The following MBD5 variants were observed in gnomAD, a reference collection of about 807,000 sequenced individuals.
MBD5 encodes methyl-CpG binding domain protein 5.
In MBD5, 13 loss-of-function variants were observed where a neutral mutation model predicts 117.3. That is an observed-to-expected ratio of 0.11 (90% CI 0.07 to 0.18). The LOEUF (loss-of-function observed/expected upper bound fraction) is 0.18. Among genes scored for constraint, MBD5 ranks in the 10% least tolerant of loss-of-function variants. The pLI, the probability that MBD5 is intolerant of heterozygous loss-of-function variation, is 1.00. For synonymous variants in MBD5, 727 were observed against 766.4 expected, an observed-to-expected ratio of 0.95 and a Z score of 0.85; for missense variants, 1,879 against 2,093.8, an observed-to-expected ratio of 0.90 and a Z score of 2.00.
At chr2:148,205,100 C>T (rs1558971712) in intron 2 of MBD5, among the ~76,000 whole-genome samples, 1 of 151,094 alleles carries the variant, frequency 6.6e-6, no homozygotes, top group Non-Finnish European at 1.5e-5. Flanking sequence ...TTTTTTGAGA[C>T]AAGTCTCTCT....
intron 3 of MBD5, among the ~76,000 whole-genome samples, chr2:148,316,749 A>C (rs982760530): frequency 6.6e-6 from 1 of 152,210 alleles, no homozygotes; most frequent in African/African-American, 2.4e-5. Context: ...AATAATAAAA[A>C]TATTTTTAAA....
chr2:148,401,426 G>C (rs1355076834), intron 4 of MBD5, among the ~76,000 whole-genome samples: 3 of 151,652 alleles, frequency 2.0e-5, no homozygotes, highest in Non-Finnish European at 4.4e-5. Flanking sequence ...GTTCTTCAAA[G>C]ATTACCATCA....
At chr2:148,330,033 A>ACCCCCCCCCCCCCCCCC (rs56712549) in intron 3 of MBD5, among the ~76,000 whole-genome samples, 6 of 17,690 alleles carry the variant, frequency 3.4e-4, no homozygotes, top group East Asian at 1.3e-3. Flanking sequence ...GTAGGTAAGA[A>ACCCCCCCCCCCCCCCCC]CCCCCCCCCG....
chr2:148,418,274 T>G (rs1705487311), intron 4 of MBD5, among the ~76,000 whole-genome samples: 2 of 152,264 alleles, frequency 1.3e-5, no homozygotes, highest in South Asian at 4.1e-4. Context: ...TTTCTTTTGC[T>G]GTGCAGAAGT....
At position 148,051,753 on chromosome 2, in the gene MBD5, T is replaced by G. The variant is rs373631932; in HGVS notation, c.-925+30069T>G. Reference sequence around the variant, plus strand: ...ATTATGATATAATAATTCTTCTAGATTAAATTTTATAGTATTTTGTTGAGT... The same window carrying G: ...ATTATGATATAATAATTCTTCTAGAGTAAATTTTATAGTATTTTGTTGAGT... On this transcript the variant is annotated intron_variant, in intron 1 of 13. Transcript: ENST00000642680. 3.9e-5 allele frequency among the ~76,000 whole-genome samples: 6 copies of G among 152,230 alleles called. No individual in the cohort carries two copies. In the South Asian group the frequency reaches 1.2e-3, roughly 32 times the overall value.
intron 3 of MBD5, among the ~76,000 whole-genome samples, chr2:148,241,600 C>G (rs541947622): frequency 6.6e-6 from 1 of 151,992 alleles, no homozygotes; most frequent in East Asian, 1.9e-4. Flanking sequence ...CCTTTCTGGG[C>G]CCCCCCTCCC....
At chr2:148,129,122 C>T (rs1416727607) in intron 1 of MBD5, among the ~76,000 whole-genome samples, 1 of 152,154 alleles carries the variant, frequency 6.6e-6, no homozygotes, top group Non-Finnish European at 1.5e-5. Flanking sequence ...TTAAAAGCAG[C>T]AAAGAACCAT....
At chr2:148,368,459 A>G (rs933094387) in intron 4 of MBD5, among the ~76,000 whole-genome samples, 2 of 152,160 alleles carry the variant, frequency 1.3e-5, no homozygotes, top group African/African-American at 4.8e-5. Flanking sequence ...ATGTATCCCA[A>G]CTTAAAGTAT....
intron 4 of MBD5, among the ~76,000 whole-genome samples, chr2:148,398,701 G>A (rs1704817231): frequency 6.6e-6 from 1 of 152,038 alleles, no homozygotes; most frequent in Non-Finnish European, 1.5e-5. Flanking sequence ...CATTGCTTTT[G>A]GTGTTTTAGA....
At chr2:148,474,619 G>A (rs1680901727) in intron 8 of MBD5, among the ~76,000 whole-genome samples, 1 of 152,018 alleles carries the variant, frequency 6.6e-6, no homozygotes, top group Admixed American at 6.6e-5. Context: ...TGTGCCAGAA[G>A]AGAAAATAAT....
At chr2:148,386,550 C>G (rs1219452201) in intron 4 of MBD5, among the ~76,000 whole-genome samples, 2 of 151,224 alleles carry the variant, frequency 1.3e-5, no homozygotes, top group East Asian at 3.9e-4. Context: ...AACCCCGTCT[C>G]TACTAAAAAT....
chr2:148,148,328 G>A (rs1012752132), intron 1 of MBD5, among the ~76,000 whole-genome samples: 2 of 152,202 alleles, frequency 1.3e-5, no homozygotes, highest in African/African-American at 4.8e-5. Flanking sequence ...AGTTTACACA[G>A]CTACCATAAT....
intron 4 of MBD5, among the ~76,000 whole-genome samples, chr2:148,437,600 TAAAC>T (rs1706192492): frequency 6.6e-6 from 1 of 151,968 alleles, no homozygotes; most frequent in Non-Finnish European, 1.5e-5. Flanking sequence ...ATCTATTTGA[TAAAC>T]AAAAAATATG....
At chr2:148,380,460 T>A (rs1411452777) in intron 4 of MBD5, among the ~76,000 whole-genome samples, 3 of 152,170 alleles carry the variant, frequency 2.0e-5, no homozygotes, top group Non-Finnish European at 1.5e-5. Context: ...ACCAAAAAGA[T>A]AAATTTAAAA....
At chr2:148,117,191 A>G (rs924793941) in intron 1 of MBD5, among the ~76,000 whole-genome samples, 2 of 152,140 alleles carry the variant, frequency 1.3e-5, no homozygotes, top group African/African-American at 4.8e-5. Flanking sequence ...GAGAAGCTGA[A>G]AAAAGGCATC....
intron 3 of MBD5, among the ~76,000 whole-genome samples, chr2:148,262,273 C>A (rs1298249208): frequency 6.6e-6 from 1 of 151,892 alleles, no homozygotes; most frequent in African/African-American, 2.4e-5. Flanking sequence ...TTTATTCCTG[C>A]ACTGGGGAAA....
At chr2:148,293,393 A>G (rs576519840) in intron 3 of MBD5, among the ~76,000 whole-genome samples, 14 of 152,296 alleles carry the variant, frequency 9.2e-5, no homozygotes, top group African/African-American at 3.4e-4. Context: ...TAAAGAATGT[A>G]ATGGTTTATA....
At chr2:148,093,393 T>C (rs1056821558) in intron 1 of MBD5, among the ~76,000 whole-genome samples, 3 of 152,196 alleles carry the variant, frequency 2.0e-5, no homozygotes, top group African/African-American at 7.2e-5. Context: ...TATCAGTCAT[T>C]TTTTTGAGGG....
At chr2:148,426,622 C>T (rs1448118856) in intron 4 of MBD5, among the ~76,000 whole-genome samples, 1 of 152,074 alleles carries the variant, frequency 6.6e-6, no homozygotes, top group Non-Finnish European at 1.5e-5. Context: ...AAACTGGATC[C>T]CTTCCTTACA....
Sources: allele counts gnomAD v4.1 joint callset (sites outside exome capture counted in the v4.1 genomes callset), GRCh38; gene constraint gnomAD v4.1.1; transcripts MANE v1.5; gene names NCBI Gene and HGNC (gene_info 2026-07-23, HGNC 2026-07-21).